SBF2: variants seen among roughly 807,000 people sequenced by gnomAD.
SBF2 encodes the protein SET binding factor 2, also known as myotubularin-related protein 13.
SBF2 carries 112 observed loss-of-function variants against 225.2 expected under a neutral mutation model. That is an observed-to-expected ratio of 0.50 (90% CI 0.43 to 0.58). The LOEUF is 0.58. SBF2 is among the 20% of genes least tolerant of loss of function. The probability of loss-of-function intolerance (pLI) is 0.00; values close to 1 mark genes in which losing one functional copy is unlikely to be tolerated. For synonymous variants in SBF2, 763 were observed against 773.3 expected (o/e 0.99, Z 0.22); for missense variants, 1,996 against 2,206.2 (o/e 0.90, Z 1.91).
At chr11:9,893,175 G>C (rs981549122) in intron 17 of SBF2, among the ~76,000 whole-genome samples, 1 of 152,198 alleles carries the variant, frequency 6.6e-6, no homozygotes, top group African/African-American at 2.4e-5. Flanking sequence ...ATACTGGCTG[G>C]ACAGTATGAG....
intron 1 of SBF2, among the ~76,000 whole-genome samples, chr11:10,220,026 T>G (rs1189706837): frequency 6.6e-6 from 1 of 152,166 alleles, no homozygotes; most frequent in African/African-American, 2.4e-5. Context: ...CAGTATCAAT[T>G]TACTGTTTTA....
intron 16 of SBF2, among the ~76,000 whole-genome samples, chr11:9,942,893 G>A (rs1206127601): frequency 2.8e-5 from 1 of 36,260 alleles, no homozygotes; most frequent in Non-Finnish European, 6.9e-5. Context: ...AGAAAAGAAA[G>A]AGAGAGAGAG....
intron 2 of SBF2, among the ~76,000 whole-genome samples, chr11:10,074,906 T>C (rs1951035307): frequency 6.6e-6 from 1 of 152,220 alleles, no homozygotes; most frequent in Non-Finnish European, 1.5e-5. Flanking sequence ...CCTCTGTATG[T>C]CTGGAATGGT....
chr11:10,095,543 A>G (rs1234644655), intron 2 of SBF2, among the ~76,000 whole-genome samples: 2 of 111,114 alleles, frequency 1.8e-5, no homozygotes, highest in Non-Finnish European at 4.2e-5. Context: ...GAACTCCACA[A>G]GCTTTTTTAA....
In SBF2 at chr11:10,010,039, A is replaced by T. The variant is rs148026310; in HGVS notation, c.620-7350T>A. Among the ~76,000 whole-genome samples, 454 of 152,296 alleles carry T rather than the reference A, an allele frequency of 3.0e-3. 1 individual carries two copies. Among genetic ancestry groups the T allele is most frequent in the African/African-American group, 9.9e-3 (413 of 41,560 alleles). On this transcript the variant is annotated intron_variant, in intron 6 of 39. Transcript: ENST00000256190. ...TTTTTTTCATGTTTCTTGGACACAT[A>T]AATGCCTTCCTTTGAGAAGTGTCTG...
intron 2 of SBF2, among the ~76,000 whole-genome samples, chr11:10,131,395 G>C (rs956815718): frequency 7.2e-5 from 11 of 151,888 alleles, no homozygotes; most frequent in Admixed American, 2.0e-4. Context: ...TTTTCTAAAT[G>C]AACTGTTGTT....
At chr11:10,112,433 T>C (rs1952920815) in intron 2 of SBF2, among the ~76,000 whole-genome samples, 1 of 152,310 alleles carries the variant, frequency 6.6e-6, no homozygotes, top group South Asian at 2.1e-4. Context: ...CCTGCCGCCA[T>C]CCATGTAAGA....
At chr11:10,124,780 AT>A (rs1296875968) in intron 2 of SBF2, among the ~76,000 whole-genome samples, 1 of 152,116 alleles carries the variant, frequency 6.6e-6, no homozygotes, top group Admixed American at 6.6e-5. Context: ...AAACAAAAAA[AT>A]ATATATACTC....
At chr11:9,934,559 A>C (rs1864741205) in intron 16 of SBF2, among the ~76,000 whole-genome samples, 1 of 152,228 alleles carries the variant, frequency 6.6e-6, no homozygotes, top group South Asian at 2.1e-4. Context: ...AATCCTCAAT[A>C]AAATAATGGC....
chr11:10,198,363 T>C (rs1428740719), intron 1 of SBF2, among the ~76,000 whole-genome samples: 1 of 152,194 alleles, frequency 6.6e-6, no homozygotes, highest in Non-Finnish European at 1.5e-5. Flanking sequence ...CAGTAATATT[T>C]TGAGAGGAAT....
In SBF2 at chr11:9,816,994, C is replaced by G. The variant is rs150028248; in HGVS notation, c.3824G>C (p.Arg1275Pro). ...GAAGGATGTTGGAGAGCTGATCAAG[C>G]GAGTGCTAGAGCGAAGACTTGCCCA... ...GVWASLRSST[R>P]LISSPTSFID... Residue 1275 changes from arginine (R) to proline (P), a missense_variant, in exon 29 of 40, where the codon CGC (arginine) becomes CCC (proline). Arg to Pro is a moderately radical substitution (Grantham distance 103). Coordinates refer to ENST00000256190, the MANE Select transcript of SBF2 (RefSeq NM_030962.4). The G allele has an allele frequency of 1.2e-6, 2 of 1,614,084 alleles. No individual in the cohort carries two copies. The highest frequency in any genetic ancestry group is 1.7e-6 in the Non-Finnish European group (2 of 1,180,020).
chr11:10,254,615 A>C (rs571403628), intron 1 of SBF2, among the ~76,000 whole-genome samples: 5 of 152,018 alleles, frequency 3.3e-5, no homozygotes, highest in Admixed American at 2.6e-4. Context: ...CTTTAAAAAA[A>C]AAAAAAGAGG....
At chr11:10,037,086 A>G (rs536008804) in intron 3 of SBF2, among the ~76,000 whole-genome samples, 33 of 152,140 alleles carry the variant, frequency 2.2e-4, no homozygotes, top group Non-Finnish European at 4.3e-4. Flanking sequence ...TCCCTACAAA[A>G]TACATCTGTG....
intron 13 of SBF2, 115 bp downstream of exon 13, chr11:9,989,382 A>G: frequency 3.1e-6 from 2 of 652,176 alleles, no homozygotes; most frequent in Non-Finnish European, 5.3e-6. Context: ...AATCTCACAA[A>G]TCAACACTAA....
chr11:9,919,616 A>C (rs572376326), intron 16 of SBF2, among the ~76,000 whole-genome samples: 136 of 152,194 alleles, frequency 8.9e-4, no homozygotes, highest in African/African-American at 2.9e-3. Context: ...TTTTCTATAC[A>C]ATGTCTGGAA....
At chr11:9,815,067 A>G (rs1854381981) in intron 29 of SBF2, among the ~76,000 whole-genome samples, 1 of 152,192 alleles carries the variant, frequency 6.6e-6, no homozygotes, top group South Asian at 2.1e-4. Flanking sequence ...ACAAAATTGA[A>G]TAAAAGATAA....
chr11:9,905,609 T>C (rs1158447117), intron 16 of SBF2, among the ~76,000 whole-genome samples: 1 of 152,174 alleles, frequency 6.6e-6, no homozygotes, highest in Non-Finnish European at 1.5e-5. Context: ...ATAAGATACA[T>C]CCTTAAATTA....
intron 36 of SBF2, among the ~76,000 whole-genome samples, chr11:9,785,940 T>TACTGCAACCTCTGCCTG (rs1268082918): frequency 6.6e-6 from 1 of 152,092 alleles, no homozygotes; most frequent in African/African-American, 2.4e-5. Flanking sequence ...GATCTCGGCT[T>TACTGCAACCTCTGCCTG]ACTGCAACCT....
upstream of SBF2, among the ~76,000 whole-genome samples, chr11:10,296,050 C>A (rs1039689684): frequency 6.6e-6 from 1 of 152,168 alleles, no homozygotes; most frequent in Admixed American, 6.5e-5. Context: ...CTCATTCTCC[C>A]CTCCCACAGC....
Sources: gnomAD v4.1 joint callset for allele counts (sites outside exome capture counted in the v4.1 genomes callset) on GRCh38, gnomAD v4.1.1 for gene constraint, MANE v1.5 for transcripts, NCBI Gene and HGNC (gene_info 2026-07-23, HGNC 2026-07-21) for gene names.